CKAP5: variants seen among roughly 807,000 people sequenced by gnomAD.
CKAP5 encodes cytoskeleton associated protein 5.
In CKAP5, 27 loss-of-function variants were observed where a neutral mutation model predicts 232.8. That is an observed-to-expected ratio of 0.12 (90% CI 0.09 to 0.16). The LOEUF (loss-of-function observed/expected upper bound fraction) is 0.16. Among genes scored for constraint, CKAP5 ranks in the 10% least tolerant of loss-of-function variants. The pLI, the probability that CKAP5 is intolerant of heterozygous loss-of-function variation, is 1.00. For synonymous variants in CKAP5, 785 were observed against 841.1 expected (o/e 0.93, Z 1.16); for missense variants, 1,838 against 2,424.7 (o/e 0.76, Z 5.08).
chr11:46,761,477 AT>A, intron 32 of CKAP5, among the ~76,000 whole-genome samples: 1 of 152,250 alleles, frequency 6.6e-6, no homozygotes, highest in Non-Finnish European at 1.5e-5. Context: ...AAGTAAACAT[AT>A]TTAAGCCCTG....
At position 46,783,391 on chromosome 11, in the gene CKAP5, T is replaced by C. The variant is rs11038991; in HGVS notation, c.2155-23A>G. ...AACCTGAAAAGGGAAAAACAGCAGA[T>C]CTGTGTTTTATCTCGTATTTCTTAT... is the stretch of plus-strand genomic sequence containing the variant. On this transcript the variant is annotated intron_variant, in intron 17 of 43. Transcript: ENST00000529230. The C allele has an allele frequency of 3.3e-5, 47 of 1,423,616 alleles. No homozygotes were observed. In the East Asian group the frequency reaches 8.5e-4, roughly 26 times the overall value. 88.2% of individuals were successfully genotyped at this position (1,423,616 alleles called of 1,614,324 possible).
At chr11:46,754,585 C>T (rs564708921) in intron 36 of CKAP5, among the ~76,000 whole-genome samples, 56 of 151,636 alleles carry the variant, frequency 3.7e-4, no homozygotes, top group Non-Finnish European at 7.2e-4. Flanking sequence ...GGCTAATTAG[C>T]ATTTTTAATA....
chr11:46,843,408 T>C (rs1054890234), intron 1 of CKAP5, among the ~76,000 whole-genome samples: 9 of 151,736 alleles, frequency 5.9e-5, no homozygotes, highest in African/African-American at 1.7e-4. Flanking sequence ...CCAAGAGCCA[T>C]TGGTGAAGCC....
chr11:46,828,827 A>G lies in CKAP5; in HGVS notation c.-37-7559T>C, dbSNP rs545583676. Among the ~76,000 whole-genome samples the G allele has an allele frequency of 4.6e-5, 7 of 152,120 alleles. No homozygotes were observed. In the East Asian group the frequency reaches 7.7e-4, roughly 17 times the overall value. Reference sequence around the variant, plus strand: ...AAATTCATGAATTCATAGAACCAGAAAGTAGAATGGTAGTAACCAAAGATG... The same window carrying G: ...AAATTCATGAATTCATAGAACCAGAGAGTAGAATGGTAGTAACCAAAGATG... On this transcript the variant is annotated intron_variant, in intron 1 of 43. Coordinates refer to ENST00000529230, the MANE Select transcript of CKAP5 (RefSeq NM_001008938.4).
rs752794755 is a variant in CKAP5 at position 46,770,008 on chromosome 11, T to C, written c.3277A>G (p.Lys1093Glu). Reference sequence around the variant, plus strand: ...GCTGGAGCGGACCCTCCCATTGGTTTAGAAGTTGCTTTAGTGGGTGGAGCA... The same window carrying C: ...GCTGGAGCGGACCCTCCCATTGGTTCAGAAGTTGCTTTAGTGGGTGGAGCA... Reference protein sequence around the residue: ...KPAPPTKATSKPMGGSAPAKF... With the variant: ...KPAPPTKATSEPMGGSAPAKF... Residue 1093 changes from lysine (K) to glutamate (E), a missense_variant, in exon 26 of 44, where the codon AAA becomes GAA. This residue lies in a region of CKAP5 where 767 missense variants were observed against 954.6 expected (regional missense o/e 0.80). Transcript: ENST00000529230. The C allele has an allele frequency of 2.5e-6, 4 of 1,614,090 alleles. No homozygotes were observed. The African/African-American group carries it at 4.0e-5, about 16-fold the overall frequency.
At chr11:46,775,621 C>T (rs1226229181) in intron 24 of CKAP5, among the ~76,000 whole-genome samples, 1 of 152,052 alleles carries the variant, frequency 6.6e-6, no homozygotes, top group Non-Finnish European at 1.5e-5. Context: ...CACATATACA[C>T]CATGGAATAC....
chr11:46,749,076 C>G (rs888811932), intron 42 of CKAP5, among the ~76,000 whole-genome samples: 2 of 151,448 alleles, frequency 1.3e-5, no homozygotes, highest in South Asian at 2.1e-4. Flanking sequence ...GTGATCTGCC[C>G]GCCTCAGCCT....
rs1258127199 is a variant in CKAP5 at position 46,784,543 on chromosome 11, T to C, written c.2099A>G (p.Lys700Arg). The C allele has an allele frequency of 2.5e-6, 4 of 1,614,054 alleles. No individual in the cohort carries two copies. In the South Asian group the frequency reaches 4.4e-5, roughly 18 times the overall value. ...IGDVKCGNNA[K>R]EAMTAIAEAC... ...TTCGGCTATTGCTGTCATAGCTTCT[T>C]TTGCATTGTTCCCACATTTCACATC... The change falls in exon 17 of 44, where the codon AAA becomes AGA. Residue 700 changes from lysine to arginine, a missense_variant. Transcript: ENST00000529230.
At chr11:46,786,691 T>A (rs532500818) in intron 16 of CKAP5, among the ~76,000 whole-genome samples, 2 of 152,286 alleles carry the variant, frequency 1.3e-5, no homozygotes, top group South Asian at 4.1e-4. Context: ...CAAGGTTATG[T>A]GTATGCCCAG....
intron 16 of CKAP5, among the ~76,000 whole-genome samples, chr11:46,787,346 G>C (rs2134633841): frequency 6.6e-6 from 1 of 152,308 alleles, no homozygotes; most frequent in African/African-American, 2.4e-5. Context: ...ACCAAAAAGA[G>C]ACTAGCAGGA....
chr11:46,772,800 G>A (rs1305892934), intron 24 of CKAP5, among the ~76,000 whole-genome samples: 1 of 151,574 alleles, frequency 6.6e-6, no homozygotes. Context: ...GGAGTGCAGT[G>A]GCACGATCTT....
At position 46,806,118 on chromosome 11, in the gene CKAP5, C is replaced by T. The variant is rs184669984; in HGVS notation, c.978+1913G>A. ...GTCTCTGATTCCCTCCACCCCACCA[C>T]GTGAAAAGGGAAAGAAGTTTCTACT... On this transcript the variant is annotated intron_variant, in intron 8 of 43. Transcript: ENST00000529230. Among the ~76,000 whole-genome samples the T allele has an allele frequency of 2.8e-3, 423 of 152,196 alleles. 2 individuals are homozygous for T. The highest frequency in any genetic ancestry group is 9.6e-3 in the African/African-American group (399 of 41,520).
intron 1 of CKAP5, among the ~76,000 whole-genome samples, chr11:46,834,493 T>C (rs935850316): frequency 5.4e-4 from 67 of 122,942 alleles, no homozygotes; most frequent in Non-Finnish European, 8.3e-4. Context: ...CACTCCAGCC[T>C]GGGCAACAAG....
intron 4 of CKAP5, among the ~76,000 whole-genome samples, chr11:46,814,335 CTTCA>C (rs1224884440): frequency 6.6e-6 from 1 of 151,994 alleles, no homozygotes; most frequent in East Asian, 1.9e-4. Context: ...AACAAGGAAA[CTTCA>C]TTCACGTAAG....
chr11:46,828,440 G>C (rs1939702912), intron 1 of CKAP5, among the ~76,000 whole-genome samples: 1 of 152,132 alleles, frequency 6.6e-6, no homozygotes, highest in South Asian at 2.1e-4. Flanking sequence ...TGTTCTGAGG[G>C]TAATGGTTTG....
chr11:46,765,042 T>C, intron 28 of CKAP5, 89 bp downstream of exon 28: 1 of 1,249,730 alleles, frequency 8.0e-7, no homozygotes. Context: ...TTCCTAGATA[T>C]TAAACAATAA....
At position 46,818,480 on chromosome 11, in the gene CKAP5, C is replaced by A. The variant is rs1278860677; in HGVS notation, c.81G>T (p.Gly27=). The A allele has an allele frequency of 6.3e-7, 1 of 1,583,970 alleles. No homozygotes were observed. The highest frequency in any genetic ancestry group is 8.5e-7 in the Non-Finnish European group (1 of 1,170,572). ...EHKLWKARLS[G]YEEALKIFQK... is the part of the protein sequence containing the mutation. ...GGAAGATCTTCAGGGCCTCTTCATA[C>A]CCACTTAACCTTGCTTTCCACAGCT... is the stretch of plus-strand genomic sequence containing the variant. Residue 27 remains glycine, a synonymous_variant, in exon 3 of 44, where the codon GGG becomes GGT. Transcript: ENST00000529230.
intron 36 of CKAP5, 79 bp from the exon 37 acceptor site, chr11:46,753,576 A>C: frequency 9.4e-7 from 1 of 1,065,944 alleles, no homozygotes; most frequent in Non-Finnish European, 1.3e-6. Flanking sequence ...TATTCTGATA[A>C]ATATTCAATT....
intron 33 of CKAP5, among the ~76,000 whole-genome samples, chr11:46,760,144 A>G (rs2134587689): frequency 6.6e-6 from 1 of 152,366 alleles, no homozygotes; most frequent in South Asian, 2.1e-4. Context: ...AAGCACAACC[A>G]AGTATAACAC....
Sources: gnomAD v4.1 joint callset for allele counts (sites outside exome capture counted in the v4.1 genomes callset) on GRCh38, gnomAD v4.1.1 for gene constraint, gnomAD v4.1.1 regional missense constraint, MANE v1.5 for transcripts, NCBI Gene and HGNC (gene_info 2026-07-23, HGNC 2026-07-21) for gene names.